Variants in TRPM3 observed in about 807,000 individuals in gnomAD.
The protein encoded by TRPM3 is transient receptor potential cation channel subfamily M member 3.
In TRPM3, 77 loss-of-function variants were observed where a neutral mutation model predicts 181.2. That is an observed-to-expected ratio of 0.42 (90% CI 0.35 to 0.51). TRPM3 has a LOEUF of 0.51. TRPM3 is among the 20% of genes least tolerant of loss of function. TRPM3 has a pLI of 0.01. For missense variants in TRPM3, 1,759 were observed against 2,196.7 expected, an observed-to-expected ratio of 0.80 and a Z score of 3.98; for synonymous variants, 745 against 796.4, an observed-to-expected ratio of 0.94 and a Z score of 1.09.
intron 8 of TRPM3, among the ~76,000 whole-genome samples, chr9:70,686,964 G>A (rs1172325456): frequency 6.6e-6 from 1 of 151,406 alleles, no homozygotes; most frequent in Non-Finnish European, 1.5e-5. Context: ...GGGGCTACAG[G>A]TGCACACCAC....
intron 22 of TRPM3, among the ~76,000 whole-genome samples, chr9:70,574,185 A>G (rs2053301888): frequency 6.6e-6 from 1 of 152,104 alleles, no homozygotes; most frequent in Non-Finnish European, 1.5e-5. Flanking sequence ...TTCACTTCTT[A>G]GTTTTCCCAG....
intron 6 of TRPM3, among the ~76,000 whole-genome samples, chr9:70,793,246 G>C (rs921072345): frequency 2.0e-5 from 3 of 152,004 alleles, no homozygotes; most frequent in African/African-American, 4.8e-5. Context: ...TTGAGCCCAG[G>C]AATTCAGGAT....
chr9:70,569,335 T>C (rs1284904346), intron 22 of TRPM3, among the ~76,000 whole-genome samples: 2 of 152,194 alleles, frequency 1.3e-5, no homozygotes, highest in Non-Finnish European at 1.5e-5. Flanking sequence ...TTATTTAGCA[T>C]AGTAGGGTTG....
intron 6 of TRPM3, among the ~76,000 whole-genome samples, chr9:70,794,384 C>T (rs1372885481): frequency 6.6e-6 from 1 of 152,214 alleles, no homozygotes; most frequent in Admixed American, 6.5e-5. Flanking sequence ...TGAATATCCC[C>T]AGCTTCTGGA....
chr9:71,043,661 C>T (rs993179175), intron 1 of TRPM3, among the ~76,000 whole-genome samples: 7 of 152,196 alleles, frequency 4.6e-5, no homozygotes, highest in African/African-American at 1.4e-4. Flanking sequence ...AAATTTGCGC[C>T]TGGACTAGCA....
At chr9:70,668,165 A>G (rs1439807870) in intron 9 of TRPM3, among the ~76,000 whole-genome samples, 2 of 152,188 alleles carry the variant, frequency 1.3e-5, no homozygotes, top group Admixed American at 1.3e-4. Flanking sequence ...GATCATGGCC[A>G]TCGATGCTCA....
intron 1 of TRPM3, among the ~76,000 whole-genome samples, chr9:71,410,145 A>C (rs2093517180): frequency 6.6e-6 from 1 of 152,212 alleles, no homozygotes; most frequent in Non-Finnish European, 1.5e-5. Flanking sequence ...AAATGCCCAC[A>C]AGAGAAAGCA....
At chr9:70,805,495 C>T (rs7870595) in intron 6 of TRPM3, among the ~76,000 whole-genome samples, 38,248 of 136,768 alleles carry the variant, frequency 0.28, 6,318 homozygotes, top group African/African-American at 0.49. Flanking sequence ...GATTGCGGCA[C>T]TGCACTCCAA....
At position 70,787,122 on chromosome 9, in the gene TRPM3, A is replaced by G. The variant is rs773045242; in HGVS notation, c.974-2843T>C. 2.3e-4 allele frequency among the ~76,000 whole-genome samples: 35 copies of G among 152,208 alleles called. 1 individual carries two copies. The highest frequency in any genetic ancestry group is 1.9e-4 in the Non-Finnish European group (13 of 68,034). On this transcript the variant is annotated intron_variant, in intron 6 of 25. Coordinates refer to ENST00000677713, the MANE Select transcript of TRPM3 (RefSeq NM_001366145.2). ...CATGGTCAGTTTATTCTCTGTCAAT[A>G]TATTTGTCAATGTATCAAAATATTA... is the stretch of plus-strand genomic sequence containing the variant.
intron 1 of TRPM3, among the ~76,000 whole-genome samples, chr9:71,216,712 G>C (rs1230046904): frequency 3.9e-5 from 6 of 152,178 alleles, no homozygotes; most frequent in African/African-American, 1.4e-4. Flanking sequence ...GAGAAGGGAT[G>C]AACTTCTATC....
chr9:70,573,671 A>T (rs893126476), intron 22 of TRPM3, among the ~76,000 whole-genome samples: 1 of 152,168 alleles, frequency 6.6e-6, no homozygotes, highest in Admixed American at 6.5e-5. Context: ...GTTTCCCAAA[A>T]AAAAGGTAAA....
At chr9:71,175,043 G>GA (rs1292109373) in intron 1 of TRPM3, among the ~76,000 whole-genome samples, 2 of 152,246 alleles carry the variant, frequency 1.3e-5, no homozygotes, top group Admixed American at 1.3e-4. Flanking sequence ...TGACGTGTAG[G>GA]AAAAAACAAG....
chr9:70,761,286 C>T, intron 8 of TRPM3: 1 of 600,366 alleles, frequency 1.7e-6, no homozygotes, highest in South Asian at 2.1e-5. Context: ...CTAAGAAGAT[C>T]AAGCTGAAGC....
chr9:71,200,589 A>G (rs926710505), intron 1 of TRPM3, among the ~76,000 whole-genome samples: 10 of 152,150 alleles, frequency 6.6e-5, no homozygotes, highest in Admixed American at 2.6e-4. Context: ...TAGGATAGTT[A>G]GCTCTTCTTG....
intron 1 of TRPM3, among the ~76,000 whole-genome samples, chr9:71,277,145 A>G (rs1055739323): frequency 6.6e-6 from 1 of 152,208 alleles, no homozygotes; most frequent in African/African-American, 2.4e-5. Flanking sequence ...TTTTAAAGAA[A>G]AGTTATTAAG....
At chr9:71,074,707 A>G (rs940700812) in intron 1 of TRPM3, among the ~76,000 whole-genome samples, 1 of 152,200 alleles carries the variant, frequency 6.6e-6, no homozygotes, top group African/African-American at 2.4e-5. Flanking sequence ...GCATAGTCAT[A>G]GTGAAATATT....
chr9:71,292,630 T>G (rs572293326), intron 1 of TRPM3, among the ~76,000 whole-genome samples: 1 of 151,884 alleles, frequency 6.6e-6, no homozygotes, highest in Admixed American at 6.6e-5. Context: ...CCTAATAATG[T>G]TTTTTAAAAA....
intron 4 of TRPM3, 28 bp downstream of exon 4, chr9:70,846,350 T>A (rs774951681): frequency 1.3e-6 from 2 of 1,599,392 alleles, no homozygotes; most frequent in East Asian, 4.5e-5. Flanking sequence ...TGGCCTATGT[T>A]GACTTTCTCT....
intron 1 of TRPM3, among the ~76,000 whole-genome samples, chr9:70,898,184 G>T (rs996676719): frequency 6.6e-6 from 1 of 151,058 alleles, no homozygotes; most frequent in Non-Finnish European, 1.5e-5. Context: ...GTGCAGTGGC[G>T]CGATCTCGGC....
Sources: gnomAD v4.1 joint callset for allele counts (sites outside exome capture counted in the v4.1 genomes callset) on GRCh38, gnomAD v4.1.1 for gene constraint, MANE v1.5 for transcripts, NCBI Gene and HGNC (gene_info 2026-07-23, HGNC 2026-07-21) for gene names.